EVC: variants seen among roughly 807,000 people sequenced by gnomAD.
EVC encodes the protein evC complex member EVC.
EVC carries 116 observed loss-of-function variants against 118.9 expected under a neutral mutation model. The observed-to-expected ratio is 0.98, with a 90% CI of 0.84 to 1.14. The LOEUF is 1.14. EVC is among the 50% of genes most tolerant of loss of function. The pLI is 0.00. For missense variants in EVC, 1,401 were observed against 1,246.4 expected (o/e 1.12, Z -1.87); for synonymous variants, 619 against 534.7 (o/e 1.16, Z -2.18).
chr4:5,716,420 A>G (rs1723967374), intron 1 of EVC, among the ~76,000 whole-genome samples: 1 of 152,178 alleles, frequency 6.6e-6, no homozygotes, highest in Admixed American at 6.5e-5. Flanking sequence ...TTTAAAATGT[A>G]GGTTCGGCAG....
intron 8 of EVC, among the ~76,000 whole-genome samples, chr4:5,750,420 T>A (rs1032418937): frequency 6.6e-6 from 1 of 152,240 alleles, no homozygotes; most frequent in African/African-American, 2.4e-5. Flanking sequence ...TTTAACAGCA[T>A]GACTGTCCTT....
At chr4:5,741,871 C>T in intron 6 of EVC, 57 bp downstream of exon 6, 1 of 926,972 alleles carries the variant, frequency 1.1e-6, no homozygotes, top group South Asian at 1.5e-5. Context: ...ATAATATATA[C>T]AACTTATGAT....
At chr4:5,762,247 C>T (rs1732177731) in intron 11 of EVC, among the ~76,000 whole-genome samples, 1 of 128,008 alleles carries the variant, frequency 7.8e-6, no homozygotes, top group African/African-American at 2.9e-5. Context: ...TTTTTTATGA[C>T]TGCATAGTAT....
chr4:5,733,377 GCC>G lies in EVC; in HGVS notation c.645_646del (p.Leu216SerfsTer25). The G allele has an allele frequency of 6.2e-7, 1 of 1,614,034 alleles. No homozygotes were observed. The highest frequency in any genetic ancestry group is 1.1e-5 in the South Asian group (1 of 91,074). On this transcript the variant is annotated frameshift_variant, in exon 5 of 21. Transcript: ENST00000264956. LOFTEE classifies it high-confidence loss of function. ...GTAGACGTTGACCTGTGTATCTACA[GCC>G]TTCACTTAAAAGACCTGCTGCATTT...
At chr4:5,720,290 G>C (rs141956373) in intron 2 of EVC, among the ~76,000 whole-genome samples, 61 of 152,192 alleles carry the variant, frequency 4.0e-4, no homozygotes, top group Middle Eastern at 3.4e-3. Context: ...GAATGATCTC[G>C]TGCCCTTCTC....
rs911529573 is a variant in EVC, at chr4:5,795,378, G to A, written c.1887-1644G>A. Among the ~76,000 whole-genome samples the A allele has an allele frequency of 1.3e-5, 2 of 152,156 alleles. 1 individual carries two copies. Among genetic ancestry groups the A allele is most frequent in the Non-Finnish European group, 2.9e-5 (2 of 68,018 alleles). On this transcript the variant is annotated intron_variant, in intron 13 of 20. Transcript: ENST00000264956. ...CATCAGAAGAGGATGGAGGCTGGGT[G>A]TGGTGGCTTACATCTGTAATCCCAG...
At chr4:5,735,297 G>T (rs1727484310) in intron 5 of EVC, among the ~76,000 whole-genome samples, 1 of 152,226 alleles carries the variant, frequency 6.6e-6, no homozygotes, top group Non-Finnish European at 1.5e-5. Context: ...GCTTCCCTGT[G>T]GGGAGTCTCG....
At position 5,752,939 on chromosome 4, in the gene EVC, C is replaced by T; in HGVS notation, c.1202C>T (p.Ser401Phe). 6.2e-7 allele frequency: 1 copy of T among 1,614,150 alleles called. No homozygotes were observed. The highest frequency in any genetic ancestry group is 1.1e-5 in the South Asian group (1 of 91,086). Residue 401 changes from serine to phenylalanine, a missense_variant, in exon 9 of 21, where the codon TCC becomes TTC. Transcript: ENST00000264956. ...ACCAGGTGCCGGCTGGCTGCCATCT[C>T]CCACGGCCTGGAGCTGCTGGCTGGT... The part of the protein sequence containing the change: ...EETRCRLAAI[S>F]HGLELLAGEG...
chr4:5,801,712 A>T, intron 15 of EVC: 2 of 467,848 alleles, frequency 4.3e-6, no homozygotes, highest in Non-Finnish European at 7.8e-6. Context: ...AAGGCCTCTT[A>T]GCCGACTTTC....
intron 11 of EVC, among the ~76,000 whole-genome samples, chr4:5,777,526 T>G (rs1403498084): frequency 1.3e-5 from 2 of 152,180 alleles, no homozygotes; most frequent in African/African-American, 4.8e-5. Context: ...AGACTGGGCA[T>G]GCCCCTCCAG....
chr4:5,760,777 C>T (rs1262484206), intron 11 of EVC, among the ~76,000 whole-genome samples: 1 of 152,264 alleles, frequency 6.6e-6, no homozygotes, highest in African/African-American at 2.4e-5. Context: ...GTCTCGAACT[C>T]CTGACCTCAG....
At chr4:5,793,984 T>A (rs891647479) in intron 13 of EVC, among the ~76,000 whole-genome samples, 23 of 151,984 alleles carry the variant, frequency 1.5e-4, no homozygotes, top group African/African-American at 5.3e-4. Context: ...TACAATTCAG[T>A]GATTGTTAGT....
At chr4:5,783,990 TAAG>T (rs1577565818) in intron 12 of EVC, among the ~76,000 whole-genome samples, 2 of 152,134 alleles carry the variant, frequency 1.3e-5, no homozygotes, top group African/African-American at 4.8e-5. Flanking sequence ...GTTGATCGAT[TAAG>T]AAGAGCAGCA....
chr4:5,786,901 A>T (rs1395218295), intron 12 of EVC, among the ~76,000 whole-genome samples: 1 of 151,876 alleles, frequency 6.6e-6, no homozygotes, highest in African/African-American at 2.4e-5. Context: ...TTAACACACG[A>T]TAGTTAGAGA....
intron 2 of EVC, among the ~76,000 whole-genome samples, chr4:5,721,153 C>G (rs1023131534): frequency 6.6e-6 from 1 of 152,182 alleles, no homozygotes; most frequent in African/African-American, 2.4e-5. Context: ...CCCTCCCACC[C>G]TCTCACACTA....
intron 11 of EVC, among the ~76,000 whole-genome samples, chr4:5,770,404 G>C (rs1733761462): frequency 6.6e-6 from 1 of 152,164 alleles, no homozygotes; most frequent in Non-Finnish European, 1.5e-5. Flanking sequence ...CAGGGGCTGA[G>C]AGGTGACATA....
At chr4:5,823,537 GT>G in the EVC span, among the ~76,000 whole-genome samples, 1 of 152,222 alleles carries the variant, frequency 6.6e-6, no homozygotes, top group African/African-American at 2.4e-5. Flanking sequence ...AATGGGAGGG[GT>G]TTGGGTCATG....
intron 15 of EVC, among the ~76,000 whole-genome samples, chr4:5,800,858 C>T (rs930686982): frequency 1.3e-5 from 2 of 152,132 alleles, no homozygotes; most frequent in African/African-American, 4.8e-5. Context: ...GCCTCCGCGC[C>T]GCGCCACACC....
At chr4:5,745,127 A>G in intron 6 of EVC, 77 bp from the exon 7 acceptor site, 2 of 1,398,574 alleles carry the variant, frequency 1.4e-6, no homozygotes, top group African/African-American at 2.9e-5. Context: ...AAATAAAAGC[A>G]TTTATTTTTC....
Sources: gnomAD v4.1 joint callset for allele counts (sites outside exome capture counted in the v4.1 genomes callset) on GRCh38, gnomAD v4.1.1 for gene constraint, MANE v1.5 for transcripts, NCBI Gene and HGNC (gene_info 2026-07-23, HGNC 2026-07-21) for gene names.